PALM2AKAP2: variants seen among roughly 807,000 people sequenced by gnomAD.
PALM2AKAP2 encodes the protein PALM2 and AKAP2 fusion, also known as PALM2-AKAP2 fusion protein.
PALM2AKAP2 carries 37 observed loss-of-function variants against 71.5 expected under a neutral mutation model. The ratio of observed to expected loss-of-function variants is 0.52; its 90% CI spans 0.40 to 0.68. PALM2AKAP2 has a LOEUF of 0.68. Ranked by LOEUF, PALM2AKAP2 falls within the 30% of genes least tolerant of loss-of-function variation. PALM2AKAP2 has a pLI of 0.00. For synonymous variants in PALM2AKAP2, 468 were observed against 478.8 expected (o/e 0.98, Z 0.29); for missense variants, 1,224 against 1,191.8 (o/e 1.03, Z -0.40).
upstream of PALM2AKAP2, chr9:110,048,632 G>A: frequency 3.5e-6 from 5 of 1,426,320 alleles, no homozygotes; most frequent in Non-Finnish European, 3.6e-6. Flanking sequence ...GGGAAGGGGC[G>A]GGCCCCAGGA....
intron 7 of PALM2AKAP2, among the ~76,000 whole-genome samples, chr9:110,038,254 C>T (rs931128321): frequency 1.3e-5 from 2 of 151,902 alleles, no homozygotes; most frequent in Non-Finnish European, 2.9e-5. Context: ...TGCTTGAGCC[C>T]GGCAGGTCAA....
intron 1 of PALM2AKAP2, among the ~76,000 whole-genome samples, chr9:110,106,735 T>G (rs990008841): frequency 6.6e-6 from 1 of 152,178 alleles, no homozygotes; most frequent in African/African-American, 2.4e-5. Flanking sequence ...AATGTTGCTT[T>G]GTATGGGTGC....
At chr9:109,673,015 GTCTA>G (rs1362376083) in intron 1 of PALM2AKAP2, among the ~76,000 whole-genome samples, 6 of 151,928 alleles carry the variant, frequency 3.9e-5, no homozygotes, top group Non-Finnish European at 8.8e-5. Flanking sequence ...CTAGCTAGCA[GTCTA>G]TCTATTAAGT....
intron 3 of PALM2AKAP2, among the ~76,000 whole-genome samples, chr9:109,902,722 G>C (rs1039247528): frequency 2.0e-5 from 3 of 152,330 alleles, no homozygotes; most frequent in East Asian, 3.9e-4. Context: ...GAGTCTAACT[G>C]TCAGTTTCCA....
At chr9:109,788,752 A>G (rs1827030869) in intron 1 of PALM2AKAP2, among the ~76,000 whole-genome samples, 4 of 152,228 alleles carry the variant, frequency 2.6e-5, no homozygotes, top group Admixed American at 2.0e-4. Flanking sequence ...GTCTTGATTA[A>G]TGAGAGCCTT....
At chr9:109,761,599 C>T (rs1322523217) in intron 1 of PALM2AKAP2, among the ~76,000 whole-genome samples, 1 of 152,182 alleles carries the variant, frequency 6.6e-6, no homozygotes, top group Non-Finnish European at 1.5e-5. Flanking sequence ...TGTTCACCTC[C>T]CACTTATGAG....
chr9:109,904,152 T>A (rs1830391490), intron 3 of PALM2AKAP2, among the ~76,000 whole-genome samples: 1 of 152,246 alleles, frequency 6.6e-6, no homozygotes, highest in South Asian at 2.1e-4. Flanking sequence ...CGGGCAGTGT[T>A]CTGAGGTATT....
At chr9:109,870,180 C>G (rs1353980690) in intron 2 of PALM2AKAP2, among the ~76,000 whole-genome samples, 3 of 152,058 alleles carry the variant, frequency 2.0e-5, no homozygotes, top group Admixed American at 1.3e-4. Context: ...CCTTGCCTCT[C>G]TTTGTTCTGA....
chr9:109,771,145 T>C (rs1036802726), intron 1 of PALM2AKAP2, among the ~76,000 whole-genome samples: 2 of 152,236 alleles, frequency 1.3e-5, no homozygotes, highest in Non-Finnish European at 2.9e-5. Context: ...GACTTTATAA[T>C]TTTTAGAATT....
intron 6 of PALM2AKAP2, among the ~76,000 whole-genome samples, chr9:109,986,421 C>G (rs1311172728): frequency 6.6e-6 from 1 of 152,164 alleles, no homozygotes; most frequent in Non-Finnish European, 1.5e-5. Context: ...GGGCTATAAG[C>G]ACCTCCTATG....
intron 1 of PALM2AKAP2, among the ~76,000 whole-genome samples, chr9:109,740,058 G>A (rs1260266760): frequency 4.6e-5 from 7 of 152,122 alleles, no homozygotes; most frequent in Non-Finnish European, 1.0e-4. Flanking sequence ...AAGTGTTTTG[G>A]CCAGCAATTT....
intron 1 of PALM2AKAP2, among the ~76,000 whole-genome samples, chr9:109,863,892 C>G (rs1829377164): frequency 6.6e-6 from 1 of 152,084 alleles, no homozygotes; most frequent in African/African-American, 2.4e-5. Context: ...CCAGCCTGGC[C>G]AACATGGCAA....
At chr9:109,830,739 G>A (rs1032639310) in intron 1 of PALM2AKAP2, among the ~76,000 whole-genome samples, 1 of 152,148 alleles carries the variant, frequency 6.6e-6, no homozygotes, top group Admixed American at 6.5e-5. Context: ...TTTATGGTGT[G>A]TGCTGTTTAA....
rs552078501 is a variant in PALM2AKAP2 at position 109,883,838 on chromosome 9, C to T, written c.257+3157C>T. Reference sequence around the variant, plus strand: ...CTACGTGACTCTAATCTGCGTGTTGCCTGAGTCCACTCTTGTTTACCCTGC... The same window carrying T: ...CTACGTGACTCTAATCTGCGTGTTGTCTGAGTCCACTCTTGTTTACCCTGC... On this transcript the variant is annotated intron_variant, in intron 3 of 9. Coordinates refer to the PALM2AKAP2 transcript ENST00000302798. Among the ~76,000 whole-genome samples, 6 of 152,324 alleles carry T rather than the reference C, an allele frequency of 3.9e-5. No homozygotes were observed. In the East Asian group the frequency reaches 1.2e-3, roughly 29 times the overall value.
At chr9:110,138,635 T>C (rs1835956785) in intron 2 of PALM2AKAP2, 96 bp downstream of exon 8, 1 of 1,448,156 alleles carries the variant, frequency 6.9e-7, no homozygotes, top group African/African-American at 1.4e-5. Flanking sequence ...CCTCTGTGTG[T>C]GTCTGGAATA....
chr9:109,883,901 A>G (rs757726979), intron 3 of PALM2AKAP2, among the ~76,000 whole-genome samples: 71 of 152,268 alleles, frequency 4.7e-4, no homozygotes, highest in Middle Eastern at 3.4e-3. Flanking sequence ...CTTTCTGGCA[A>G]TGGGAGAGGT....
chr9:110,011,094 T>G lies in PALM2AKAP2; in HGVS notation c.497-4860T>G, dbSNP rs180849555. Reference sequence around the variant, plus strand: ...ATAGAATATATAAATTATATATTTCTCTATATATTCCATATATATTCTCTG... The same window carrying G: ...ATAGAATATATAAATTATATATTTCGCTATATATTCCATATATATTCTCTG... On this transcript the variant is annotated intron_variant, in intron 6 of 9. Coordinates refer to the PALM2AKAP2 transcript ENST00000302798. 3.4e-5 allele frequency among the ~76,000 whole-genome samples: 5 copies of G among 145,514 alleles called. No homozygotes were observed. In the South Asian group the frequency reaches 8.5e-4, roughly 25 times the overall value.
At chr9:109,672,365 G>T (rs112832791) in intron 1 of PALM2AKAP2, among the ~76,000 whole-genome samples, 2 of 152,160 alleles carry the variant, frequency 1.3e-5, no homozygotes, top group East Asian at 1.9e-4. Flanking sequence ...ATAATAATGC[G>T]GTTTTTGTCT....
intron 1 of PALM2AKAP2, chr9:109,866,925 G>A (rs767280302): frequency 3.1e-5 from 13 of 415,808 alleles, no homozygotes; most frequent in Non-Finnish European, 5.8e-5. Context: ...CAAGGCTAGT[G>A]GCAGCAAATA....
Sources: gnomAD v4.1 joint callset for allele counts (sites outside exome capture counted in the v4.1 genomes callset) on GRCh38, gnomAD v4.1.1 for gene constraint, MANE v1.5 for transcripts, NCBI Gene and HGNC (gene_info 2026-07-23, HGNC 2026-07-21) for gene names.